The following QTMAN variants were observed in gnomAD, a reference collection of about 807,000 sequenced individuals.
QTMAN encodes the protein tRNA-queuosine alpha-mannosyltransferase.
chr2:144,027,132 C>T, the QTMAN span, among the ~76,000 whole-genome samples: 2 of 152,156 alleles, frequency 1.3e-5, no homozygotes, highest in African/African-American at 4.8e-5. Context: ...GGTTCTCCTC[C>T]AATGGAGGCA....
chr2:144,070,931 C>T, the QTMAN span, among the ~76,000 whole-genome samples: 1 of 151,978 alleles, frequency 6.6e-6, no homozygotes, highest in African/African-American at 2.4e-5. Context: ...CACTAGAAAA[C>T]AAAGCATTAA....
At chr2:144,094,835 A>G in the QTMAN span, among the ~76,000 whole-genome samples, 2 of 152,234 alleles carry the variant, frequency 1.3e-5, no homozygotes, top group African/African-American at 4.8e-5. Flanking sequence ...TAATTTTAAG[A>G]GTCAAAGTTG....
chr2:144,022,161 T>C, the QTMAN span, among the ~76,000 whole-genome samples: 4 of 152,164 alleles, frequency 2.6e-5, no homozygotes, highest in Non-Finnish European at 4.4e-5. Context: ...TCTGGAAATA[T>C]TGTGCAAAAA....
the QTMAN span, among the ~76,000 whole-genome samples, chr2:144,089,449 T>C: frequency 6.6e-6 from 1 of 151,988 alleles, no homozygotes; most frequent in East Asian, 1.9e-4. Flanking sequence ...ACTAGGTATC[T>C]ACCTAGAGTA....
the QTMAN span, among the ~76,000 whole-genome samples, chr2:144,155,762 A>G: frequency 1.2e-4 from 19 of 152,288 alleles, no homozygotes; most frequent in African/African-American, 4.6e-4. Context: ...TGAGAAACAA[A>G]CCACAGGCAA....
chr2:144,298,715 G>C, the QTMAN span, among the ~76,000 whole-genome samples: 3 of 152,172 alleles, frequency 2.0e-5, no homozygotes, highest in African/African-American at 7.2e-5. Flanking sequence ...TCAGGAAAGG[G>C]AGGAGAGGTC....
the QTMAN span, among the ~76,000 whole-genome samples, chr2:144,032,264 A>T: frequency 1.3e-5 from 2 of 152,248 alleles, no homozygotes; most frequent in South Asian, 4.1e-4. Context: ...CCTCATAGGC[A>T]AAATGGGGAG....
the QTMAN span, among the ~76,000 whole-genome samples, chr2:144,223,192 C>T: frequency 6.6e-6 from 1 of 152,050 alleles, no homozygotes; most frequent in African/African-American, 2.4e-5. Flanking sequence ...TTCCAAAAAA[C>T]CTAACTTACA....
chr2:144,263,466 C>T, the QTMAN span, among the ~76,000 whole-genome samples: 2 of 152,156 alleles, frequency 1.3e-5, no homozygotes, highest in South Asian at 2.1e-4. Context: ...TGGCAAATTA[C>T]AGCTGCTCTG....
At chr2:143,944,382 C>T in the QTMAN span, 3 of 151,972 alleles carry the variant, frequency 2.0e-5, no homozygotes, top group African/African-American at 4.8e-5. Flanking sequence ...CTCCAAATCT[C>T]GGTATCATGC....
At chr2:144,223,265 C>CA in the QTMAN span, among the ~76,000 whole-genome samples, 69 of 149,678 alleles carry the variant, frequency 4.6e-4, no homozygotes, top group East Asian at 3.7e-3. Flanking sequence ...TTCTAGAAAA[C>CA]AAAAAAAAAC....
At chr2:144,194,091 A>G in the QTMAN span, among the ~76,000 whole-genome samples, 1 of 152,178 alleles carries the variant, frequency 6.6e-6, no homozygotes, top group Non-Finnish European at 1.5e-5. Flanking sequence ...AAATAAACAG[A>G]GACTAGAGAT....
chr2:144,050,567 T>C, the QTMAN span, among the ~76,000 whole-genome samples: 1 of 152,196 alleles, frequency 6.6e-6, no homozygotes, highest in African/African-American at 2.4e-5. Flanking sequence ...GTAACAGATT[T>C]ATAAGGCATA....
the QTMAN span, among the ~76,000 whole-genome samples, chr2:144,153,927 A>C: frequency 6.6e-6 from 1 of 152,178 alleles, no homozygotes; most frequent in African/African-American, 2.4e-5. Flanking sequence ...ATTAAAGCAC[A>C]AGAGGTTTGG....
At chr2:143,996,144 G>C in the QTMAN span, among the ~76,000 whole-genome samples, 3 of 152,154 alleles carry the variant, frequency 2.0e-5, no homozygotes, top group Admixed American at 2.0e-4. Context: ...TACTAGGCAG[G>C]TGGGGAGATC....
At chr2:144,148,202 A>G in the QTMAN span, among the ~76,000 whole-genome samples, 2 of 151,966 alleles carry the variant, frequency 1.3e-5, no homozygotes, top group East Asian at 3.9e-4. Context: ...TAGGAGATTC[A>G]TGTCAAATTA....
chr2:144,271,593 T>C, the QTMAN span, among the ~76,000 whole-genome samples: 6 of 152,234 alleles, frequency 3.9e-5, no homozygotes, highest in South Asian at 2.1e-4. Context: ...TAGACAATAA[T>C]ATAAATAATT....
the QTMAN span, among the ~76,000 whole-genome samples, chr2:144,144,846 C>G: frequency 6.6e-6 from 1 of 151,822 alleles, no homozygotes; most frequent in Non-Finnish European, 1.5e-5. Flanking sequence ...ATAAAATGTA[C>G]AAAATCACTG....
chr2:144,212,815 C>T, the QTMAN span, among the ~76,000 whole-genome samples: 1 of 152,124 alleles, frequency 6.6e-6, no homozygotes, highest in African/African-American at 2.4e-5. Context: ...ACTATTAAAG[C>T]TTTTTGAAAG....
Sources: allele counts gnomAD v4.1 joint callset (sites outside exome capture counted in the v4.1 genomes callset), GRCh38; gene constraint gnomAD v4.1.1; transcripts MANE v1.5; gene names NCBI Gene and HGNC (gene_info 2026-07-23, HGNC 2026-07-21).